CPSF3: variants seen among roughly 807,000 people sequenced by gnomAD.
CPSF3 encodes cleavage and polyadenylation specific factor 3.
CPSF3 carries 57 observed loss-of-function variants against 84.1 expected under a neutral mutation model. The ratio of observed to expected loss-of-function variants is 0.68; its 90% CI spans 0.55 to 0.85. CPSF3 has a LOEUF of 0.85. Ranked by LOEUF, CPSF3 falls within the 40% of genes least tolerant of loss-of-function variation. CPSF3 has a pLI of 0.00. For missense variants in CPSF3, 522 were observed against 838.8 expected (o/e 0.62, Z 4.66); for synonymous variants, 275 against 278.1 (o/e 0.99, Z 0.11).
At chr2:9,443,475 C>T in intron 9 of CPSF3, 40 bp from the exon 10 acceptor site, 1 of 1,576,500 alleles carries the variant, frequency 6.3e-7, no homozygotes, top group Non-Finnish European at 8.7e-7. Flanking sequence ...ACGATTATAA[C>T]TGGGTAGTTT....
rs1682238103 is a variant in CPSF3 at position 9,472,990 on chromosome 2, G to A, written c.2028G>A (p.Leu676=). 1 of 1,613,708 alleles carries A rather than the reference G, an allele frequency of 6.2e-7. No homozygotes were observed. Among genetic ancestry groups the A allele is most frequent in the East Asian group, 2.2e-5 (1 of 44,878 alleles). ...TGGTGGAGCTGGCTGCACAGAGACT[G>A]TACGAGGCCCTGACGCCAGTTCACT... The part of the protein sequence containing the change: ...REMVELAAQR[L]YEALTPVH Residue 676 remains leucine, a synonymous_variant, in exon 18 of 18, where the codon CTG becomes CTA. Transcript: ENST00000238112.
At chr2:9,434,392 G>A (rs1680707350) in intron 6 of CPSF3, among the ~76,000 whole-genome samples, 1 of 151,944 alleles carries the variant, frequency 6.6e-6, no homozygotes, top group Admixed American at 6.6e-5. Context: ...ATTGGGGCAG[G>A]TGCTTCTTTT....
chr2:9,452,679 T>C (rs2124843902), intron 11 of CPSF3, among the ~76,000 whole-genome samples: 1 of 152,320 alleles, frequency 6.6e-6, no homozygotes, highest in Admixed American at 6.5e-5. Flanking sequence ...GTTGAACTGA[T>C]TAGAACTGAA....
chr2:9,456,443 A>G (rs183393084), intron 13 of CPSF3, among the ~76,000 whole-genome samples: 4 of 152,350 alleles, frequency 2.6e-5, no homozygotes, highest in Non-Finnish European at 1.5e-5. Context: ...GGAACCTTGC[A>G]CTAGGATAAT....
At chr2:9,458,633 C>G (rs1270418948) in intron 14 of CPSF3, among the ~76,000 whole-genome samples, 1 of 151,992 alleles carries the variant, frequency 6.6e-6, no homozygotes, top group African/African-American at 2.4e-5. Context: ...GAGTTCAAGA[C>G]CAGCCTGGGT....
At chr2:9,431,125 C>T (rs868330047) in intron 4 of CPSF3, among the ~76,000 whole-genome samples, 11 of 151,974 alleles carry the variant, frequency 7.2e-5, no homozygotes, top group Admixed American at 1.3e-4. Flanking sequence ...GGTGTGATCA[C>T]AGCTCACTGC....
At chr2:9,468,216 TTTTTA>T (rs913111256) in intron 16 of CPSF3, among the ~76,000 whole-genome samples, 3 of 152,194 alleles carry the variant, frequency 2.0e-5, no homozygotes, top group Admixed American at 6.5e-5. Context: ...TAAGTATTTC[TTTTTA>T]TTTTATTTTA....
chr2:9,466,423 C>T (rs373712107), intron 15 of CPSF3, among the ~76,000 whole-genome samples: 1 of 142,204 alleles, frequency 7.0e-6, no homozygotes, highest in East Asian at 1.9e-4. Context: ...CACGCACACG[C>T]GCACACACGC....
At chr2:9,447,819 A>C (rs533185421) in intron 10 of CPSF3, among the ~76,000 whole-genome samples, 1 of 152,220 alleles carries the variant, frequency 6.6e-6, no homozygotes, top group East Asian at 1.9e-4. Context: ...TTTCTAAGAC[A>C]GTAGGGTAGC....
At position 9,466,402 on chromosome 2, in the gene CPSF3, G is replaced by A. The variant is rs13383005; in HGVS notation, c.1787-1305G>A. Among the ~76,000 whole-genome samples the A allele has an allele frequency of 6.2e-4, 86 of 137,936 alleles. 1 individual carries two copies. The highest frequency in any genetic ancestry group is 1.8e-3 in the Admixed American group (25 of 14,034). 90.5% of individuals were successfully genotyped at this position (137,936 alleles called of 152,430 possible). A position where few individuals can be genotyped will look rare whatever the true frequency, so the allele number is the denominator to read the frequency against. On this transcript the variant is annotated intron_variant, in intron 15 of 17. Transcript: ENST00000238112. ...CACTCGCACACACGCGCACACACAC[G>A]CACGCGCACACACGCACACGCGCAC...
At chr2:9,467,618 A>G in intron 15 of CPSF3, 89 bp from the exon 16 acceptor site, 1 of 917,430 alleles carries the variant, frequency 1.1e-6, no homozygotes, top group Non-Finnish European at 1.7e-6. Context: ...ACTTTAACTT[A>G]TCAGTAACCA....
At chr2:9,464,064 G>GGT (rs1434793350) in intron 15 of CPSF3, among the ~76,000 whole-genome samples, 10 of 149,604 alleles carry the variant, frequency 6.7e-5, no homozygotes, top group African/African-American at 2.6e-4. Flanking sequence ...TTGTATCTGT[G>GGT]GTGTATGTGT....
chr2:9,467,248 A>C (rs1008354305), intron 15 of CPSF3, among the ~76,000 whole-genome samples: 1 of 152,092 alleles, frequency 6.6e-6, no homozygotes, highest in Non-Finnish European at 1.5e-5. Flanking sequence ...TTAAATATTA[A>C]TTTTTATTAA....
chr2:9,439,070 TAATA>T, intron 7 of CPSF3, among the ~76,000 whole-genome samples: 1 of 152,096 alleles, frequency 6.6e-6, no homozygotes, highest in South Asian at 2.1e-4. Flanking sequence ...ATCATAAGAG[TAATA>T]AATCATGAAT....
At chr2:9,439,643 A>G (rs752310696) in intron 7 of CPSF3, among the ~76,000 whole-genome samples, 1 of 152,174 alleles carries the variant, frequency 6.6e-6, no homozygotes, top group African/African-American at 2.4e-5. Flanking sequence ...TTTTGACGGT[A>G]TATTACCCAC....
In CPSF3 at chr2:9,434,523, T is replaced by C. The variant is rs533561597; in HGVS notation, c.609+563T>C. ...TCTGGGCAGGATCATTTTTACTGGC[T>C]ATGCCCTCTCTCTGTCTTCTAAATA... On this transcript the variant is annotated intron_variant, in intron 6 of 17. Coordinates refer to ENST00000238112, the MANE Select transcript of CPSF3 (RefSeq NM_016207.4). Among the ~76,000 whole-genome samples the C allele has an allele frequency of 1.6e-4, 24 of 152,336 alleles. No individual in the cohort carries two copies. In the South Asian group the frequency reaches 4.8e-3, roughly 30 times the overall value.
intron 15 of CPSF3, 52 bp downstream of exon 15, chr2:9,459,670 G>A (rs941232368): frequency 3.2e-6 from 2 of 633,296 alleles, no homozygotes; most frequent in African/African-American, 6.4e-5. Context: ...TTTTTTTGGA[G>A]ACGGATACTA....
chr2:9,463,682 A>G (rs949835750), intron 15 of CPSF3, among the ~76,000 whole-genome samples: 2 of 152,184 alleles, frequency 1.3e-5, no homozygotes, highest in Non-Finnish European at 2.9e-5. Flanking sequence ...TATATTTATT[A>G]TTTATCGAAC....
chr2:9,435,934 T>C (rs978465531), intron 6 of CPSF3, among the ~76,000 whole-genome samples: 1 of 152,090 alleles, frequency 6.6e-6, no homozygotes, highest in African/African-American at 2.4e-5. Context: ...GGTTTCACCA[T>C]GTTGGCCAGG....
Sources: allele counts gnomAD v4.1 joint callset (sites outside exome capture counted in the v4.1 genomes callset), GRCh38; gene constraint gnomAD v4.1.1; transcripts MANE v1.5; gene names NCBI Gene and HGNC (gene_info 2026-07-23, HGNC 2026-07-21).